The following MTUS2 variants were observed in gnomAD, a reference collection of about 807,000 sequenced individuals.
The protein encoded by MTUS2 is microtubule-associated tumor suppressor candidate 2.
MTUS2 carries 40 observed loss-of-function variants against 114.1 expected under a neutral mutation model. That is an observed-to-expected ratio of 0.35 (90% CI 0.27 to 0.46). MTUS2 has a LOEUF of 0.46. MTUS2 is among the 20% of genes least tolerant of loss of function. MTUS2 has a pLI of 1.00. For synonymous variants in MTUS2, 688 were observed against 672.0 expected, an observed-to-expected ratio of 1.02 and a Z score of -0.37; for missense variants, 1,679 against 1,705.4, an observed-to-expected ratio of 0.98 and a Z score of 0.27.
intron 2 of MTUS2, among the ~76,000 whole-genome samples, chr13:28,986,630 G>C (rs2138317750): frequency 6.6e-6 from 1 of 152,310 alleles, no homozygotes; most frequent in South Asian, 2.1e-4. Context: ...GTTTGGCTGA[G>C]ATCTGTTCCT....
intron 7 of MTUS2, among the ~76,000 whole-genome samples, chr13:29,336,395 C>A (rs1901064266): frequency 6.6e-6 from 1 of 152,284 alleles, no homozygotes; most frequent in South Asian, 2.1e-4. Flanking sequence ...AACATTCAGG[C>A]CCCTCTGCTG....
intron 3 of MTUS2, among the ~76,000 whole-genome samples, chr13:29,032,941 T>C (rs1427815665): frequency 6.6e-6 from 1 of 152,216 alleles, no homozygotes; most frequent in East Asian, 1.9e-4. Context: ...TAGTTCTCTC[T>C]CTTTTTTTCC....
At chr13:29,452,013 A>T (rs1029199016) in intron 9 of MTUS2, among the ~76,000 whole-genome samples, 1 of 152,226 alleles carries the variant, frequency 6.6e-6, no homozygotes, top group East Asian at 1.9e-4. Context: ...AAATAATATC[A>T]GTTCTAAGCT....
chr13:29,125,734 TC>T (rs1372265902), intron 5 of MTUS2, among the ~76,000 whole-genome samples: 2 of 152,200 alleles, frequency 1.3e-5, no homozygotes, highest in Non-Finnish European at 2.9e-5. Flanking sequence ...AAAGGCAAAC[TC>T]TTTATTTCAT....
intron 5 of MTUS2, among the ~76,000 whole-genome samples, chr13:29,236,695 C>T (rs560730428): frequency 1.3e-4 from 20 of 152,268 alleles, no homozygotes; most frequent in African/African-American, 4.6e-4. Context: ...GTGTCCAGCT[C>T]GTCTAGGCCA....
chr13:28,870,520 C>T (rs926754789), intron 2 of MTUS2, among the ~76,000 whole-genome samples: 1 of 152,094 alleles, frequency 6.6e-6, no homozygotes, highest in African/African-American at 2.4e-5. Context: ...ACATTGACTG[C>T]CCAGGTTATG....
At chr13:29,111,055 C>T (rs191964395) in intron 5 of MTUS2, among the ~76,000 whole-genome samples, 2 of 152,224 alleles carry the variant, frequency 1.3e-5, no homozygotes, top group Admixed American at 6.5e-5. Flanking sequence ...CCAATTTGGG[C>T]TCTCAAGAGC....
In MTUS2 at chr13:29,093,149, A is replaced by G. The variant is rs559708457; in HGVS notation, c.2447-7624A>G. Among the ~76,000 whole-genome samples the G allele has an allele frequency of 1.2e-4, 18 of 152,286 alleles. No individual in the cohort carries two copies. In the South Asian group the frequency reaches 3.7e-3, roughly 32 times the overall value. On this transcript the variant is annotated intron_variant, in intron 4 of 15. Transcript: ENST00000612955. ...AGTGAAAACAAACAAACAAACAAAA[A>G]ACTATGGAGTATTGGCTGGGTGCTG... is the stretch of plus-strand genomic sequence containing the variant.
intron 5 of MTUS2, among the ~76,000 whole-genome samples, chr13:29,121,087 G>A (rs1049243309): frequency 6.6e-6 from 1 of 152,062 alleles, no homozygotes; most frequent in Non-Finnish European, 1.5e-5. Flanking sequence ...AAAATTCCCC[G>A]TAAGTCCTTA....
At position 29,026,250 on chromosome 13, in the gene MTUS2, A is replaced by G; in HGVS notation, c.1552A>G (p.Lys518Glu). The G allele has an allele frequency of 1.2e-6, 2 of 1,613,986 alleles. No homozygotes were observed. Among genetic ancestry groups the G allele is most frequent in the South Asian group, 2.2e-5 (2 of 91,088 alleles). ...CAGGAACCTTCTAGAGAATGCAGAT[A>G]AGATTGAAAGCACCTCAGCAAGAGC... The part of the protein sequence containing the change: ...ENRNLLENAD[K>E]IESTSARADS... The change falls in exon 3 of 16, where the codon AAG becomes GAG. Residue 518 changes from lysine (K) to glutamate (E), a missense_variant. Around this residue, in one of 3 missense-constraint regions of MTUS2, gnomAD observed 843 missense variants for 770.8 expected, o/e 1.09. Coordinates refer to ENST00000612955, the MANE Select transcript of MTUS2 (RefSeq NM_001033602.4).
At chr13:29,236,112 T>A (rs1037244858) in intron 5 of MTUS2, among the ~76,000 whole-genome samples, 9 of 152,200 alleles carry the variant, frequency 5.9e-5, no homozygotes, top group African/African-American at 2.2e-4. Context: ...AACTTTAACC[T>A]ATTAATCTAC....
intron 8 of MTUS2, among the ~76,000 whole-genome samples, chr13:29,414,357 A>G (rs1875490388): frequency 8.9e-6 from 1 of 112,736 alleles, no homozygotes; most frequent in Non-Finnish European, 1.8e-5. Context: ...CTAATGCTAG[A>G]TGACACGTTA....
chr13:28,956,385 G>T (rs1883067951), intron 2 of MTUS2, among the ~76,000 whole-genome samples: 2 of 152,022 alleles, frequency 1.3e-5, no homozygotes, highest in Admixed American at 1.3e-4. Flanking sequence ...AGTTCAATAG[G>T]GCGGCAGCAA....
intron 5 of MTUS2, among the ~76,000 whole-genome samples, chr13:29,179,362 C>G (rs1466147695): frequency 6.6e-6 from 1 of 152,154 alleles, no homozygotes; most frequent in Non-Finnish European, 1.5e-5. Flanking sequence ...AAGAAATGAA[C>G]ACACTTAAAT....
chr13:28,821,438 A>G (rs889598055), intron 1 of MTUS2, among the ~76,000 whole-genome samples: 2 of 152,156 alleles, frequency 1.3e-5, no homozygotes, highest in South Asian at 2.1e-4. Context: ...GAATGATTTT[A>G]TTTTTATCTC....
At chr13:29,386,379 G>T (rs1872633421) in intron 8 of MTUS2, among the ~76,000 whole-genome samples, 3 of 152,174 alleles carry the variant, frequency 2.0e-5, no homozygotes, top group African/African-American at 7.2e-5. Context: ...TAAGGGATTT[G>T]CACTAATCTG....
chr13:29,208,824 T>G (rs936399706), intron 5 of MTUS2, among the ~76,000 whole-genome samples: 1 of 152,172 alleles, frequency 6.6e-6, no homozygotes. Context: ...TTTCTGAAAT[T>G]TATTGAGACT....
At chr13:29,441,668 T>C (rs9551682) in intron 9 of MTUS2, among the ~76,000 whole-genome samples, 70,972 of 151,888 alleles carry the variant, frequency 0.47, 17,453 homozygotes, top group African/African-American at 0.63. Context: ...CCCTGCCCAA[T>C]GCCAGGGACT....
chr13:28,890,073 T>C lies in MTUS2; in HGVS notation c.-243+50223T>C, dbSNP rs578018618. ...AGACTGTAAAGTGCAGTGTTGTCCC[T>C]GGAACATCCTTATTTTGGCAGTGTA... is the stretch of plus-strand genomic sequence containing the variant. On this transcript the variant is annotated intron_variant, in intron 2 of 15. Transcript: ENST00000612955. Among the ~76,000 whole-genome samples, 166 of 152,340 alleles carry C rather than the reference T, an allele frequency of 1.1e-3. No homozygotes were observed. In the Middle Eastern group the frequency reaches 0.02, roughly 19 times the overall value.
Sources: allele counts gnomAD v4.1 joint callset (sites outside exome capture counted in the v4.1 genomes callset), GRCh38; gene constraint gnomAD v4.1.1; regional missense constraint gnomAD v4.1.1; transcripts MANE v1.5; gene names NCBI Gene and HGNC (gene_info 2026-07-23, HGNC 2026-07-21).